The following IQCH variants were observed in gnomAD, a reference collection of about 807,000 sequenced individuals.
IQCH encodes the protein IQ domain-containing protein H.
In IQCH, 98 loss-of-function variants were observed where a neutral mutation model predicts 117.0. The observed-to-expected ratio is 0.84, with a 90% confidence interval of 0.71 to 0.99. The LOEUF (loss-of-function observed/expected upper bound fraction) is 0.99, where lower values mean the gene tolerates loss of function less well. Among genes scored for constraint, IQCH ranks in the 50% least tolerant of loss-of-function variants. The pLI is 0.00. For synonymous variants in IQCH, 412 were observed against 448.2 expected (o/e 0.92, Z 1.02); for missense variants, 1,102 against 1,243.8 (o/e 0.89, Z 1.72).
At chr15:67,437,366 ACAT>A (rs1389399667) in intron 16 of IQCH, among the ~76,000 whole-genome samples, 1 of 152,226 alleles carries the variant, frequency 6.6e-6, no homozygotes, top group African/African-American at 2.4e-5. Context: ...GGAGAGTACT[ACAT>A]CAAGGGAACA....
chr15:67,409,255 G>A (rs1166216647), intron 14 of IQCH, among the ~76,000 whole-genome samples: 2 of 152,078 alleles, frequency 1.3e-5, no homozygotes, highest in Non-Finnish European at 2.9e-5. Context: ...CTTTGTGTAT[G>A]TGCAAATTTC....
At position 67,393,068 on chromosome 15, in the gene IQCH, T is replaced by C. The variant is rs960464902; in HGVS notation, c.1633-2223T>C. ...TACCACTATCAATTTCAGAACTTTT[T>C]ATCATCCCAAGAAGAAACTCTGTAC... On this transcript the variant is annotated intron_variant, in intron 12 of 20. Coordinates refer to ENST00000335894, the MANE Select transcript of IQCH (RefSeq NM_001031715.3). The surrounding 1 kb of genome is among the most constrained non-coding windows in gnomAD (Gnocchi z 5.5). 3.3e-5 allele frequency among the ~76,000 whole-genome samples: 5 copies of C among 152,170 alleles called. No homozygotes were observed. Among genetic ancestry groups the C allele is most frequent in the African/African-American group, 1.2e-4 (5 of 41,434 alleles).
At chr15:67,274,054 A>ATG (rs1966018152) in intron 3 of IQCH, among the ~76,000 whole-genome samples, 1 of 152,070 alleles carries the variant, frequency 6.6e-6, no homozygotes, top group Non-Finnish European at 1.5e-5. Context: ...GAGCTCCTTT[A>ATG]TGTGCTATTT....
In IQCH at chr15:67,473,224, T is replaced by A. The variant is rs2083116947; in HGVS notation, c.2677-2472T>A. 1.3e-5 allele frequency among the ~76,000 whole-genome samples: 2 copies of A among 152,206 alleles called. 1 individual carries two copies. Among genetic ancestry groups the A allele is most frequent in the Admixed American group, 1.3e-4 (2 of 15,290 alleles). ...GAATTTGAGAGTGTTTACAGTTCAC[T>A]TCCATGTGCAAAAGCCCATGCTTCT... On this transcript the variant is annotated intron_variant, in intron 17 of 20. Coordinates refer to ENST00000335894, the MANE Select transcript of IQCH (RefSeq NM_001031715.3). The surrounding 1 kb of genome is among the most constrained non-coding windows in gnomAD (Gnocchi z 4.9).
At chr15:67,272,430 C>T (rs1238893033) in intron 3 of IQCH, among the ~76,000 whole-genome samples, 1 of 152,106 alleles carries the variant, frequency 6.6e-6, no homozygotes, top group Non-Finnish European at 1.5e-5. Context: ...CTTTAAATGT[C>T]AGTTAGACCT....
At chr15:67,394,657 A>C (rs1027298485) in intron 12 of IQCH, among the ~76,000 whole-genome samples, 2 of 152,228 alleles carry the variant, frequency 1.3e-5, no homozygotes, top group African/African-American at 4.8e-5. Context: ...GTCAAAAATA[A>C]AACAAAAAGA....
At chr15:67,351,965 A>G (rs1476154664) in intron 6 of IQCH, among the ~76,000 whole-genome samples, 3 of 152,168 alleles carry the variant, frequency 2.0e-5, no homozygotes, top group Non-Finnish European at 2.9e-5. Flanking sequence ...AGTTATTCTA[A>G]TTACTAATAT....
At chr15:67,344,245 C>T (rs1969291625) in intron 6 of IQCH, 54 bp downstream of exon 6, 3 of 1,575,762 alleles carry the variant, frequency 1.9e-6, no homozygotes, top group Non-Finnish European at 2.6e-6. Flanking sequence ...ATTATCTCTG[C>T]CCCAGATCTA....
In IQCH at chr15:67,357,331, A is replaced by G. The variant is rs1386654508; in HGVS notation, c.638-14A>G. On this transcript the variant is annotated splice_polypyrimidine_tract_variant and intron_variant, in intron 6 of 20. Transcript: ENST00000335894. ...TCTTCTGGAAAAGGTAACATGTACT[A>G]TCTTCATCCACAGCCACTTTCACTA... The G allele has an allele frequency of 3.2e-6, 5 of 1,571,956 alleles. No homozygotes were observed. The highest frequency in any genetic ancestry group is 1.3e-5 in the African/African-American group (1 of 74,118).
Position 67,479,608 on chromosome 15 carries a change from C to T in IQCH, c.2799+3790C>T, listed in dbSNP as rs1430063586. Among the ~76,000 whole-genome samples the T allele has an allele frequency of 6.6e-6, 1 of 152,172 alleles. No individual in the cohort carries two copies. The highest frequency in any genetic ancestry group is 1.5e-5 in the Non-Finnish European group (1 of 68,026). On this transcript the variant is annotated intron_variant, in intron 18 of 20. Transcript: ENST00000335894. The surrounding 1 kb of genome is among the most constrained non-coding windows in gnomAD (Gnocchi z 4.6). Reference sequence around the variant, plus strand: ...TTAAAAAGGAGAAAAAAAAGTTTAACAATTAATTTCCCTAAAATTTTATTG... The same window carrying T: ...TTAAAAAGGAGAAAAAAAAGTTTAATAATTAATTTCCCTAAAATTTTATTG...
rs915762310 is a variant in IQCH at position 67,424,473 on chromosome 15, C to T, written c.2505+2896C>T. 6.6e-6 allele frequency among the ~76,000 whole-genome samples: 1 copy of T among 152,166 alleles called. No individual in the cohort carries two copies. The highest frequency in any genetic ancestry group is 2.1e-4 in the South Asian group (1 of 4,836). On this transcript the variant is annotated intron_variant, in intron 16 of 20. Coordinates refer to ENST00000335894, the MANE Select transcript of IQCH (RefSeq NM_001031715.3). This position sits in a 1 kb window ranked among gnomAD's most constrained non-coding sequence, Gnocchi z 4.9. ...ATGACTATCTGATTAATATTTTTCT[C>T]CTCCTATTAATTGTAAGCTCTTTTA...
At chr15:67,265,435 C>A (rs935104563) in intron 3 of IQCH, among the ~76,000 whole-genome samples, 1 of 152,106 alleles carries the variant, frequency 6.6e-6, no homozygotes, top group African/African-American at 2.4e-5. Context: ...AGATGGGGAG[C>A]CTGTCAAGTT....
At chr15:67,354,226 A>C (rs1167889512) in intron 6 of IQCH, among the ~76,000 whole-genome samples, 1 of 152,246 alleles carries the variant, frequency 6.6e-6, no homozygotes, top group Non-Finnish European at 1.5e-5. Context: ...GATTCTAAAA[A>C]ACATTAACAT....
At chr15:67,336,173 T>C (rs1968882875) in intron 4 of IQCH, among the ~76,000 whole-genome samples, 1 of 152,174 alleles carries the variant, frequency 6.6e-6, no homozygotes, top group South Asian at 2.1e-4. Context: ...TGTTACCTAG[T>C]TCCCTTGGAA....
intron 3 of IQCH, among the ~76,000 whole-genome samples, chr15:67,268,910 A>G (rs1965785441): frequency 1.3e-5 from 2 of 149,222 alleles, no homozygotes; most frequent in South Asian, 4.3e-4. Context: ...TTAAAACAAA[A>G]AAACAAACTT....
At chr15:67,296,038 G>T (rs775168295) in intron 4 of IQCH, among the ~76,000 whole-genome samples, 2 of 152,090 alleles carry the variant, frequency 1.3e-5, no homozygotes, top group African/African-American at 4.8e-5. Context: ...AGCATTTAGG[G>T]CAATCTGAAA....
Position 67,431,164 on chromosome 15 carries a change from A to C in IQCH, c.2505+9587A>C, listed in dbSNP as rs1167849382. The stretch of plus-strand genomic sequence containing the variant: ...GGATAAAAATGATGATCTAAGTCTT[A>C]CAAATATCATGTTGGATTCACCTCA... On this transcript the variant is annotated intron_variant, in intron 16 of 20. Coordinates refer to ENST00000335894, the MANE Select transcript of IQCH (RefSeq NM_001031715.3). The surrounding 1 kb of genome is among the most constrained non-coding windows in gnomAD (Gnocchi z 4.8). Among the ~76,000 whole-genome samples, 1 of 152,206 alleles carries C rather than the reference A, an allele frequency of 6.6e-6. No individual in the cohort carries two copies. The highest frequency in any genetic ancestry group is 2.4e-5 in the African/African-American group (1 of 41,446).
At chr15:67,470,482 T>G (rs1382725388) in intron 17 of IQCH, among the ~76,000 whole-genome samples, 1 of 151,794 alleles carries the variant, frequency 6.6e-6, no homozygotes, top group East Asian at 1.9e-4. Context: ...CTGGCTGGAG[T>G]CTTAGATTTT....
chr15:67,321,465 C>T (rs1198835173), intron 4 of IQCH, among the ~76,000 whole-genome samples: 1 of 141,166 alleles, frequency 7.1e-6, no homozygotes, highest in Non-Finnish European at 1.6e-5. Context: ...TCCTTTCCTT[C>T]CTTCCTTCCT....
Sources: allele counts gnomAD v4.1 joint callset (sites outside exome capture counted in the v4.1 genomes callset), GRCh38; gene constraint gnomAD v4.1.1; non-coding constraint Gnocchi (gnomAD v3.1); transcripts MANE v1.5; gene names NCBI Gene and HGNC (gene_info 2026-07-23, HGNC 2026-07-21).